LRRTM4: variants seen among roughly 807,000 people sequenced by gnomAD.
LRRTM4 encodes leucine-rich repeat transmembrane neuronal protein 4.
In LRRTM4, 25 loss-of-function variants were observed where a neutral mutation model predicts 47.6. That is an observed-to-expected ratio of 0.53 (90% CI 0.38 to 0.73). LRRTM4 has a LOEUF of 0.73. Ranked by LOEUF, LRRTM4 falls within the 30% of genes least tolerant of loss-of-function variation. The probability of loss-of-function intolerance (pLI) is 0.00; values close to 1 mark genes in which losing one functional copy is unlikely to be tolerated. For missense variants in LRRTM4, 638 were observed against 713.4 expected (o/e 0.89, Z 1.20); for synonymous variants, 311 against 269.5 (o/e 1.15, Z -1.51).
intron 3 of LRRTM4, among the ~76,000 whole-genome samples, chr2:77,260,901 C>A (rs1215925930): frequency 6.6e-6 from 1 of 152,042 alleles, no homozygotes; most frequent in Non-Finnish European, 1.5e-5. Flanking sequence ...GGAGATGAAC[C>A]ATAGGATAAC....
At chr2:77,177,808 G>C (rs1673240668) in intron 3 of LRRTM4, among the ~76,000 whole-genome samples, 1 of 152,172 alleles carries the variant, frequency 6.6e-6, no homozygotes, top group Non-Finnish European at 1.5e-5. Context: ...CTTCATACTG[G>C]AAGGCAGTTG....
intron 3 of LRRTM4, among the ~76,000 whole-genome samples, chr2:77,321,296 T>C: frequency 6.6e-6 from 1 of 152,118 alleles, no homozygotes; most frequent in East Asian, 1.9e-4. Flanking sequence ...GGTAGAATGC[T>C]TTAGTCTATG....
intron 3 of LRRTM4, among the ~76,000 whole-genome samples, chr2:77,082,946 G>C (rs1415859010): frequency 2.0e-5 from 3 of 151,946 alleles, no homozygotes; most frequent in Non-Finnish European, 4.4e-5. Context: ...ATAATTTCAT[G>C]CCCTTAGATA....
chr2:77,274,675 T>A (rs1486844843), intron 3 of LRRTM4, among the ~76,000 whole-genome samples: 1 of 152,178 alleles, frequency 6.6e-6, no homozygotes, highest in Non-Finnish European at 1.5e-5. Flanking sequence ...TCAGAGATTT[T>A]TTGGCTCTAC....
intron 3 of LRRTM4, among the ~76,000 whole-genome samples, chr2:76,800,636 C>A (rs1675616183): frequency 7.5e-6 from 1 of 133,604 alleles, no homozygotes; most frequent in African/African-American, 2.9e-5. Context: ...TTCTGCACAG[C>A]AAAAGAAACT....
At chr2:77,242,125 G>C (rs1303618748) in intron 3 of LRRTM4, among the ~76,000 whole-genome samples, 1 of 152,070 alleles carries the variant, frequency 6.6e-6, no homozygotes, top group Non-Finnish European at 1.5e-5. Context: ...ATTTGGGGTT[G>C]CTTCAGATTC....
At chr2:77,272,824 G>A (rs1227111597) in intron 3 of LRRTM4, among the ~76,000 whole-genome samples, 1 of 152,008 alleles carries the variant, frequency 6.6e-6, no homozygotes, top group East Asian at 1.9e-4. Flanking sequence ...GCACATACTG[G>A]AGCATATGAG....
chr2:76,772,596 C>G (rs1014367490), intron 3 of LRRTM4, among the ~76,000 whole-genome samples: 2 of 152,188 alleles, frequency 1.3e-5, no homozygotes, highest in African/African-American at 4.8e-5. Flanking sequence ...CTATAAGCCC[C>G]TGACCTCCAT....
At chr2:77,035,040 T>C (rs1387089166) in intron 3 of LRRTM4, among the ~76,000 whole-genome samples, 1 of 151,718 alleles carries the variant, frequency 6.6e-6, no homozygotes, top group Non-Finnish European at 1.5e-5. Flanking sequence ...AATAATCTTT[T>C]ATTTTTATTA....
chr2:77,105,301 A>G (rs1671065142), intron 3 of LRRTM4, among the ~76,000 whole-genome samples: 1 of 152,152 alleles, frequency 6.6e-6, no homozygotes, highest in Non-Finnish European at 1.5e-5. Flanking sequence ...TGGTTATTAA[A>G]AAAAGAATCC....
intron 3 of LRRTM4, among the ~76,000 whole-genome samples, chr2:77,218,214 G>A (rs1034589051): frequency 6.6e-5 from 10 of 152,140 alleles, no homozygotes; most frequent in East Asian, 1.9e-4. Flanking sequence ...GGCTGGTCTC[G>A]AACTCCCCAC....
At chr2:76,980,911 C>G (rs554135701) in intron 3 of LRRTM4, among the ~76,000 whole-genome samples, 1 of 152,040 alleles carries the variant, frequency 6.6e-6, no homozygotes, top group African/African-American at 2.4e-5. Context: ...AGGATTACAT[C>G]TCCTATGATT....
intron 3 of LRRTM4, among the ~76,000 whole-genome samples, chr2:76,918,268 C>T (rs796551405): frequency 2.6e-5 from 4 of 152,204 alleles, no homozygotes; most frequent in African/African-American, 9.6e-5. Flanking sequence ...CACAGAATAG[C>T]AACAAACTTG....
chr2:76,933,288 C>T (rs1205519226), intron 3 of LRRTM4, among the ~76,000 whole-genome samples: 1 of 152,026 alleles, frequency 6.6e-6, no homozygotes, highest in Non-Finnish European at 1.5e-5. Flanking sequence ...TTATATGTTA[C>T]CCCTTTCTAC....
intron 3 of LRRTM4, among the ~76,000 whole-genome samples, chr2:77,348,439 A>T (rs938223882): frequency 4.6e-5 from 7 of 150,924 alleles, no homozygotes; most frequent in African/African-American, 1.5e-4. Flanking sequence ...AATTATATAT[A>T]CACACATTTA....
chr2:76,804,513 TG>T (rs1675862912), intron 3 of LRRTM4, among the ~76,000 whole-genome samples: 1 of 151,834 alleles, frequency 6.6e-6, no homozygotes, highest in Non-Finnish European at 1.5e-5. Context: ...TGATTTTTGG[TG>T]TATCTATTTT....
chr2:77,502,553 T>A (rs933014566), intron 3 of LRRTM4, among the ~76,000 whole-genome samples: 7 of 151,594 alleles, frequency 4.6e-5, no homozygotes, highest in Admixed American at 2.0e-4. Context: ...AAAAGTAAAA[T>A]TTGGGAACGT....
chr2:77,508,939 C>A (rs1185157105), intron 3 of LRRTM4, among the ~76,000 whole-genome samples: 1 of 152,010 alleles, frequency 6.6e-6, no homozygotes, highest in South Asian at 2.1e-4. Flanking sequence ...AATGAAAAAA[C>A]TGTTTCTAAG....
At chr2:77,083,213 A>T (rs1680587906) in intron 3 of LRRTM4, among the ~76,000 whole-genome samples, 2 of 152,226 alleles carry the variant, frequency 1.3e-5, no homozygotes, top group South Asian at 2.1e-4. Flanking sequence ...AGGCTACAAA[A>T]TGCAGGAGAG....
Sources: gnomAD v4.1 joint callset for allele counts (sites outside exome capture counted in the v4.1 genomes callset) on GRCh38, gnomAD v4.1.1 for gene constraint, MANE v1.5 for transcripts, NCBI Gene and HGNC (gene_info 2026-07-23, HGNC 2026-07-21) for gene names.